SLC28A3: variants seen among roughly 807,000 people sequenced by gnomAD.
SLC28A3 encodes the protein concentrative Na(+)-nucleoside cotransporter 3.
SLC28A3 carries 68 observed loss-of-function variants against 84.2 expected under a neutral mutation model. The observed-to-expected ratio is 0.81, with a 90% CI of 0.66 to 0.99. The LOEUF (loss-of-function observed/expected upper bound fraction) is 0.99. SLC28A3 is among the 50% of genes least tolerant of loss of function. SLC28A3 has a pLI of 0.00. For missense variants in SLC28A3, 712 were observed against 841.5 expected (o/e 0.85, Z 1.90); for synonymous variants, 267 against 303.6 (o/e 0.88, Z 1.25).
chr9:84,282,241 G>A (rs557606286), intron 14 of SLC28A3, among the ~76,000 whole-genome samples: 60 of 152,086 alleles, frequency 3.9e-4, no homozygotes, highest in Non-Finnish European at 6.2e-4. Context: ...TTCGGATGGG[G>A]ATGGGAGTGG....
rs1826311957 is a variant in SLC28A3 at position 84,320,040 on chromosome 9, G to GTTTTTTGTTTTT, written c.61-6587_61-6586insAAAAACAAAAAA. On this transcript the variant is annotated intron_variant, in intron 1 of 17. Coordinates refer to ENST00000376238, the MANE Select transcript of SLC28A3 (RefSeq NM_001199633.2). ...TACTCATTCCAGCCTGGCTTGCACTGTTTTTTTTTTTTTTTTTTTTTTTTT... is the reference window on the plus strand; with the variant it reads ...TACTCATTCCAGCCTGGCTTGCACTGTTTTTTGTTTTTTTTTTTTTTTTTTTTTTTTTTTTTT... Among the ~76,000 whole-genome samples, 2 of 59,564 alleles carry GTTTTTTGTTTTT rather than the reference G, an allele frequency of 3.4e-5. 1 individual carries two copies. 39.1% of individuals were successfully genotyped at this position (59,564 alleles called of 152,430 possible). A position where few individuals can be genotyped will look rare whatever the true frequency, so the allele number is the denominator to read the frequency against.
At chr9:84,365,760 G>A in the SLC28A3 span, among the ~76,000 whole-genome samples, 1 of 152,168 alleles carries the variant, frequency 6.6e-6, no homozygotes, top group Non-Finnish European at 1.5e-5. Flanking sequence ...AAGATTGGGT[G>A]TGCTCGAAGA....
intron 1 of SLC28A3, among the ~76,000 whole-genome samples, chr9:84,317,899 T>C (rs1826228565): frequency 6.6e-6 from 1 of 152,220 alleles, no homozygotes; most frequent in African/African-American, 2.4e-5. Context: ...AATCAACATC[T>C]GTTTGGTGAA....
At chr9:84,332,039 C>T (rs1826808758) in intron 1 of SLC28A3, among the ~76,000 whole-genome samples, 1 of 152,110 alleles carries the variant, frequency 6.6e-6, no homozygotes, top group Admixed American at 6.6e-5. Flanking sequence ...AGTGGATGTT[C>T]GTGTGGAAAG....
the SLC28A3 span, among the ~76,000 whole-genome samples, chr9:84,348,424 C>T: frequency 6.6e-6 from 1 of 151,958 alleles, no homozygotes; most frequent in South Asian, 2.1e-4. Flanking sequence ...CTTCTACACT[C>T]ACTAGCTGCA....
chr9:84,358,290 T>C, the SLC28A3 span, among the ~76,000 whole-genome samples: 1 of 152,120 alleles, frequency 6.6e-6, no homozygotes, highest in East Asian at 1.9e-4. Flanking sequence ...CCAGTGGAAG[T>C]AGCTGGACAA....
chr9:84,289,128 C>A (rs1244185866), intron 11 of SLC28A3, among the ~76,000 whole-genome samples: 1 of 152,160 alleles, frequency 6.6e-6, no homozygotes, highest in Non-Finnish European at 1.5e-5. Context: ...CAACACCTCC[C>A]TCCCTGTTCC....
intron 9 of SLC28A3, among the ~76,000 whole-genome samples, chr9:84,293,533 C>T (rs2118196956): frequency 6.6e-6 from 1 of 152,296 alleles, no homozygotes. Context: ...TGGGGCTGTG[C>T]CCCAAGCACT....
chr9:84,322,168 A>G (rs1826401858), intron 1 of SLC28A3, among the ~76,000 whole-genome samples: 1 of 152,264 alleles, frequency 6.6e-6, no homozygotes, highest in African/African-American at 2.4e-5. Context: ...TCATGAAATG[A>G]TTGACTTCTA....
chr9:84,365,007 A>T, the SLC28A3 span, among the ~76,000 whole-genome samples: 1 of 152,184 alleles, frequency 6.6e-6, no homozygotes, highest in Non-Finnish European at 1.5e-5. Flanking sequence ...TCTTCAATAT[A>T]CTGACTTCCT....
At chr9:84,349,194 A>G in the SLC28A3 span, among the ~76,000 whole-genome samples, 1 of 152,200 alleles carries the variant, frequency 6.6e-6, no homozygotes, top group African/African-American at 2.4e-5. Context: ...GGCAGAAACA[A>G]ATCACAATGG....
intron 1 of SLC28A3, among the ~76,000 whole-genome samples, chr9:84,326,458 C>G: frequency 6.6e-6 from 1 of 152,152 alleles, no homozygotes. Flanking sequence ...GAAGTAAGAG[C>G]ATTTTTCTGA....
chr9:84,367,578 G>T, the SLC28A3 span, among the ~76,000 whole-genome samples: 8,265 of 152,166 alleles, frequency 0.054, 725 homozygotes, highest in African/African-American at 0.18. Flanking sequence ...CACTCAGCAT[G>T]CGAGGACCTG....
At chr9:84,286,914 A>T (rs1317108467) in intron 12 of SLC28A3, among the ~76,000 whole-genome samples, 1 of 152,096 alleles carries the variant, frequency 6.6e-6, no homozygotes, top group Admixed American at 6.5e-5. Context: ...TAAAAAATAC[A>T]TTGTGTGTCC....
the SLC28A3 span, among the ~76,000 whole-genome samples, chr9:84,362,179 T>TTC: frequency 6.6e-6 from 1 of 152,112 alleles, no homozygotes; most frequent in South Asian, 2.1e-4. Context: ...AGTTCGAACT[T>TTC]TAACAATTGG....
chr9:84,313,193 C>T (rs1270786726), intron 2 of SLC28A3, among the ~76,000 whole-genome samples, 166 bp downstream of exon 2: 1 of 152,136 alleles, frequency 6.6e-6, no homozygotes, highest in African/African-American at 2.4e-5. Flanking sequence ...TTTGTTTGGG[C>T]GTGTGTGTTT....
intron 8 of SLC28A3, among the ~76,000 whole-genome samples, chr9:84,295,611 C>CA (rs1292869181): frequency 3.5e-5 from 5 of 144,614 alleles, no homozygotes; most frequent in Admixed American, 1.4e-4. Context: ...ACAAACAAAA[C>CA]AAACAAACAA....
intron 14 of SLC28A3, among the ~76,000 whole-genome samples, chr9:84,284,135 C>G (rs143900738): frequency 0.027 from 4,160 of 152,278 alleles, 82 homozygotes; most frequent in Non-Finnish European, 0.042. Context: ...CAAAACGATT[C>G]TCTCCTGGCA....
intron 1 of SLC28A3, among the ~76,000 whole-genome samples, chr9:84,316,179 G>C (rs12335676): frequency 0.089 from 13,539 of 152,206 alleles, 1,971 homozygotes; most frequent in African/African-American, 0.3. Flanking sequence ...GAGATGGACA[G>C]AGGCATTTTT....
Sources: allele counts gnomAD v4.1 joint callset (sites outside exome capture counted in the v4.1 genomes callset), GRCh38; gene constraint gnomAD v4.1.1; transcripts MANE v1.5; gene names NCBI Gene and HGNC (gene_info 2026-07-23, HGNC 2026-07-21).